The following HOOK3 variants were observed in gnomAD, a reference collection of about 807,000 sequenced individuals.
The protein encoded by HOOK3 is hook microtubule tethering protein 3.
A neutral mutation model predicts 116.3 loss-of-function variants in HOOK3; 24 were observed. The ratio of observed to expected loss-of-function variants is 0.21; its 90% CI spans 0.15 to 0.29. HOOK3 has a LOEUF of 0.29. Ranked by LOEUF, HOOK3 falls within the 10% of genes least tolerant of loss-of-function variation. HOOK3 has a pLI of 1.00. For missense variants in HOOK3, 632 were observed against 830.2 expected (o/e 0.76, Z 2.93); for synonymous variants, 275 against 283.0 (o/e 0.97, Z 0.28).
At chr8:42,953,295 G>A (rs904121389) in intron 6 of HOOK3, among the ~76,000 whole-genome samples, 1 of 151,436 alleles carries the variant, frequency 6.6e-6, no homozygotes, top group Non-Finnish European at 1.5e-5. Flanking sequence ...GCCAGGCGCG[G>A]TGGCTCATGC....
Position 42,968,106 on chromosome 8 carries a change from A to T in HOOK3, c.1014A>T (p.Lys338Asn). ...EDLGDLRRQV[K>N]LLEEKNTMYM... The stretch of plus-strand genomic sequence containing the variant: ...TTGGTGATTTAAGGCGGCAGGTTAA[A>T]CTCTTAGAAGAGAAGAATACCATGT... The change falls in exon 11 of 22, where the codon AAA becomes AAT. Residue 338 changes from lysine (K) to asparagine (N), a missense_variant. Transcript: ENST00000307602. 6.2e-7 allele frequency: 1 copy of T among 1,612,620 alleles called. No homozygotes were observed. Among genetic ancestry groups the T allele is most frequent in the Non-Finnish European group, 8.5e-7 (1 of 1,178,814 alleles).
At chr8:42,964,100 G>C (rs996452173) in intron 8 of HOOK3, among the ~76,000 whole-genome samples, 1 of 152,168 alleles carries the variant, frequency 6.6e-6, no homozygotes, top group Non-Finnish European at 1.5e-5. Context: ...CCAGCTACTC[G>C]GGAGGCTAAG....
intron 4 of HOOK3, among the ~76,000 whole-genome samples, chr8:42,941,218 A>G (rs1038609183): frequency 2.0e-5 from 3 of 147,728 alleles, no homozygotes; most frequent in Non-Finnish European, 4.5e-5. Context: ...AAGTGCTGGG[A>G]TTAAAGGCAT....
In HOOK3 at chr8:43,026,073, A is replaced by T; in HGVS notation, c.*7575A>T. ...TACCAAAGCATGTTGAGGCTTTAACATGGGAGACTTCCAGGTAGGCGTTAA... is the reference window on the plus strand; with the variant it reads ...TACCAAAGCATGTTGAGGCTTTAACTTGGGAGACTTCCAGGTAGGCGTTAA... On this transcript the variant is annotated 3_prime_UTR_variant, in exon 22 of 22. Transcript: ENST00000307602. 4.8e-6 allele frequency: 1 copy of T among 207,354 alleles called. No homozygotes were observed. The allele number at this position is 207,354 out of a possible 1,614,324, so 12.8% of individuals were successfully genotyped here. A position where few individuals can be genotyped will look rare whatever the true frequency, so the allele number is the denominator to read the frequency against.
chr8:42,919,599 A>G (rs1270863139), intron 2 of HOOK3, among the ~76,000 whole-genome samples: 1 of 152,166 alleles, frequency 6.6e-6, no homozygotes, highest in African/African-American at 2.4e-5. Flanking sequence ...GGCGGCTGGG[A>G]GGTGGAGGTT....
At position 43,028,932 on chromosome 8, in the gene HOOK3, T is replaced by TTCA; in HGVS notation, c.*10434_*10435insTCA. ...AAGCAAGTTATGATGATTCTTATTG[T>TTCA]AGTTCAAGTACAGATGAGTAAGTGG... is the stretch of plus-strand genomic sequence containing the variant. On this transcript the variant is annotated 3_prime_UTR_variant, in exon 22 of 22. Coordinates refer to ENST00000307602, the MANE Select transcript of HOOK3 (RefSeq NM_032410.4). The TTCA allele has an allele frequency of 4.9e-6, 1 of 202,694 alleles. No individual in the cohort carries two copies. Among genetic ancestry groups the TTCA allele is most frequent in the South Asian group, 1.9e-4 (1 of 5,252 alleles). The allele number at this position is 202,694 out of a possible 1,614,324, so 12.6% of individuals were successfully genotyped here.
rs1384912299 is a variant in HOOK3 at position 43,013,415 on chromosome 8, C to A, written c.2016+15C>A. 2 of 1,551,348 alleles carry A rather than the reference C, an allele frequency of 1.3e-6. No individual in the cohort carries two copies. Among genetic ancestry groups the A allele is most frequent in the South Asian group, 2.5e-5 (2 of 79,130 alleles). The stretch of plus-strand genomic sequence containing the variant: ...GGTACAATATGGTAAGAAAATAGTA[C>A]TTTGGAGCATAATGAAAACTTCAAT... On this transcript the variant is annotated intron_variant, in intron 21 of 21. Coordinates refer to ENST00000307602, the MANE Select transcript of HOOK3 (RefSeq NM_032410.4).
At chr8:43,012,909 C>T in intron 19 of HOOK3, 142 bp from the exon 20 acceptor site, 1 of 586,050 alleles carries the variant, frequency 1.7e-6, no homozygotes, top group East Asian at 3.3e-5. Context: ...GCCGCATTTA[C>T]TTTTTAAAAT....
intron 4 of HOOK3, among the ~76,000 whole-genome samples, chr8:42,940,888 A>G (rs1022959628): frequency 2.0e-5 from 3 of 152,142 alleles, no homozygotes; most frequent in Non-Finnish European, 2.9e-5. Flanking sequence ...AGGTACACCA[A>G]TCAAACATAA....
At chr8:42,940,514 A>G (rs558497257) in intron 4 of HOOK3, among the ~76,000 whole-genome samples, 2 of 152,264 alleles carry the variant, frequency 1.3e-5, no homozygotes, top group African/African-American at 2.4e-5. Flanking sequence ...GGACAGGGAC[A>G]GGGACAGGGA....
At chr8:42,981,750 G>T (rs1269328826) in intron 13 of HOOK3, among the ~76,000 whole-genome samples, 1 of 151,234 alleles carries the variant, frequency 6.6e-6, no homozygotes, top group Non-Finnish European at 1.5e-5. Flanking sequence ...TGGGCGTGGT[G>T]GTGGGCACCT....
chr8:43,010,103 T>TA (rs34194371), intron 18 of HOOK3, among the ~76,000 whole-genome samples: 9,064 of 131,652 alleles, frequency 0.069, 373 homozygotes, highest in South Asian at 0.1. Context: ...AATCTTTTTG[T>TA]AAAAAAAAAA....
intron 4 of HOOK3, 44 bp from the exon 5 acceptor site, chr8:42,943,269 C>A: frequency 6.1e-6 from 7 of 1,144,196 alleles, no homozygotes; most frequent in South Asian, 2.9e-5. Flanking sequence ...TTTTTTTGGT[C>A]ATATAAATGT....
At chr8:42,898,431 T>C (rs865864900) in intron 1 of HOOK3, among the ~76,000 whole-genome samples, 6 of 152,274 alleles carry the variant, frequency 3.9e-5, no homozygotes, top group Non-Finnish European at 7.3e-5. Flanking sequence ...CTGCTGTATT[T>C]CAGAAAAGAG....
intron 1 of HOOK3, among the ~76,000 whole-genome samples, chr8:42,898,107 G>A (rs1807083201): frequency 2.0e-5 from 3 of 152,240 alleles, no homozygotes; most frequent in African/African-American, 4.8e-5. Flanking sequence ...TCTCTTTAGC[G>A]GTGTCTTGGG....
chr8:42,962,023 G>A (rs1808542768), intron 8 of HOOK3, among the ~76,000 whole-genome samples: 1 of 151,862 alleles, frequency 6.6e-6, no homozygotes, highest in South Asian at 2.1e-4. Flanking sequence ...CTGAGCTCCG[G>A]TGATCTGCCC....
rs141579958 is a variant in HOOK3, at chr8:42,904,493, T to C, written c.58-1680T>C. Among the ~76,000 whole-genome samples the C allele has an allele frequency of 1.4e-3, 215 of 152,022 alleles. 2 individuals are homozygous for C. In the East Asian group the frequency reaches 0.03, roughly 21 times the overall value. ...CCTGGTTAATTTTTTGTATTTTTAG[T>C]GAAGAGACAGGATTTCACTGTGTTA... On this transcript the variant is annotated intron_variant, in intron 1 of 21. Transcript: ENST00000307602.
At chr8:42,897,549 G>T (rs1373615172) in intron 1 of HOOK3, among the ~76,000 whole-genome samples, 1 of 152,244 alleles carries the variant, frequency 6.6e-6, no homozygotes, top group Non-Finnish European at 1.5e-5. Flanking sequence ...CGGAGGACGG[G>T]CCCGGCTCCG....
At chr8:42,952,313 C>T (rs1420766776) in intron 6 of HOOK3, among the ~76,000 whole-genome samples, 1 of 152,134 alleles carries the variant, frequency 6.6e-6, no homozygotes, top group Non-Finnish European at 1.5e-5. Flanking sequence ...TTCTGTTAAA[C>T]CAAAAAATGC....
Sources: allele counts gnomAD v4.1 joint callset (sites outside exome capture counted in the v4.1 genomes callset), GRCh38; gene constraint gnomAD v4.1.1; transcripts MANE v1.5; gene names NCBI Gene and HGNC (gene_info 2026-07-23, HGNC 2026-07-21).